GNA14: variants seen among roughly 807,000 people sequenced by gnomAD.
GNA14 encodes G protein subunit alpha 14, also known as guanine nucleotide-binding protein subunit alpha-14.
A neutral mutation model predicts 42.0 loss-of-function variants in GNA14; 50 were observed. The ratio of observed to expected loss-of-function variants is 1.19; its 90% CI spans 0.95 to 1.51. The LOEUF is 1.51. Ranked by LOEUF, GNA14 falls within the 40% of genes most tolerant of loss-of-function variation. GNA14 has a pLI of 0.00. For synonymous variants in GNA14, 173 were observed against 163.1 expected, an observed-to-expected ratio of 1.06 and a Z score of -0.46; for missense variants, 473 against 446.2, an observed-to-expected ratio of 1.06 and a Z score of -0.54.
chr9:77,453,899 ATTT>A (rs1273433124), intron 2 of GNA14, among the ~76,000 whole-genome samples: 1 of 152,188 alleles, frequency 6.6e-6, no homozygotes, highest in Admixed American at 6.5e-5. Flanking sequence ...CTGGGGATCC[ATTT>A]TCTCACAGGA....
At chr9:77,582,669 T>A (rs977432858) in intron 1 of GNA14, among the ~76,000 whole-genome samples, 3 of 152,198 alleles carry the variant, frequency 2.0e-5, no homozygotes, top group Admixed American at 1.3e-4. Flanking sequence ...CAAGATTTAA[T>A]CATTTGTTCC....
At chr9:77,642,503 T>A (rs1175231845) in intron 1 of GNA14, among the ~76,000 whole-genome samples, 1 of 152,170 alleles carries the variant, frequency 6.6e-6, no homozygotes, top group African/African-American at 2.4e-5. Flanking sequence ...CGGTGGCTCA[T>A]GCATGTAATC....
intron 1 of GNA14, among the ~76,000 whole-genome samples, chr9:77,568,927 T>C (rs1422311926): frequency 2.0e-5 from 3 of 152,216 alleles, no homozygotes; most frequent in South Asian, 4.1e-4. Context: ...GGAAAGAGAC[T>C]GTCATGCCAC....
At chr9:77,600,382 A>T (rs1266605906) in intron 1 of GNA14, among the ~76,000 whole-genome samples, 1 of 152,184 alleles carries the variant, frequency 6.6e-6, no homozygotes, top group Non-Finnish European at 1.5e-5. Context: ...TTTTCTTGTG[A>T]AACTGTGAGA....
At chr9:77,557,001 A>G (rs1822793888) in intron 1 of GNA14, among the ~76,000 whole-genome samples, 1 of 152,224 alleles carries the variant, frequency 6.6e-6, no homozygotes. Context: ...CACCCCACAC[A>G]GCATGGGTTA....
At chr9:77,451,135 G>C (rs547165585) in intron 2 of GNA14, among the ~76,000 whole-genome samples, 2 of 152,096 alleles carry the variant, frequency 1.3e-5, no homozygotes, top group Non-Finnish European at 1.5e-5. Context: ...ACATACGTGT[G>C]TCAGACTAGC....
chr9:77,609,574 C>T (rs975594280), intron 1 of GNA14, among the ~76,000 whole-genome samples: 1 of 152,160 alleles, frequency 6.6e-6, no homozygotes, highest in African/African-American at 2.4e-5. Context: ...ATACTCCTAA[C>T]AAAATACCAG....
At chr9:77,626,222 A>G (rs1824010410) in intron 1 of GNA14, among the ~76,000 whole-genome samples, 1 of 152,226 alleles carries the variant, frequency 6.6e-6, no homozygotes, top group Admixed American at 6.5e-5. Context: ...CCAATAGAGG[A>G]GCACCCAGAT....
chr9:77,601,389 C>T (rs1823562239), intron 1 of GNA14, among the ~76,000 whole-genome samples: 3 of 152,208 alleles, frequency 2.0e-5, no homozygotes, highest in African/African-American at 7.2e-5. Flanking sequence ...CAGACACTAA[C>T]ATCAGCGTTC....
At chr9:77,618,594 A>ATATATATGTATG (rs1554703800) in intron 1 of GNA14, among the ~76,000 whole-genome samples, 5 of 12,336 alleles carry the variant, frequency 4.1e-4, no homozygotes, top group African/African-American at 1.2e-3. Flanking sequence ...ATATATATAT[A>ATATATATGTATG]TATATATATA....
At chr9:77,539,287 T>C (rs2131775209) in intron 1 of GNA14, among the ~76,000 whole-genome samples, 1 of 152,382 alleles carries the variant, frequency 6.6e-6, no homozygotes, top group Non-Finnish European at 1.5e-5. Context: ...TTCTTCATTC[T>C]ATTGATGTGA....
At chr9:77,455,062 G>A (rs1358237477) in intron 2 of GNA14, among the ~76,000 whole-genome samples, 1 of 152,144 alleles carries the variant, frequency 6.6e-6, no homozygotes, top group East Asian at 1.9e-4. Context: ...GGTATAACTG[G>A]GTTCTCTGTG....
chr9:77,454,600 A>T (rs1204202271), intron 2 of GNA14, among the ~76,000 whole-genome samples: 9 of 130,760 alleles, frequency 6.9e-5, no homozygotes, highest in Non-Finnish European at 9.7e-5. Flanking sequence ...TTTTTTTTGG[A>T]AGTGAGACCC....
rs371558607 is a variant in GNA14 at position 77,647,589 on chromosome 9, C to T, written c.124+81G>A. The T allele has an allele frequency of 1.2e-3, 1,731 of 1,486,138 alleles. 10 individuals carry two copies. Among genetic ancestry groups the T allele is most frequent in the Middle Eastern group, 6.3e-3 (31 of 4,918 alleles). 92.1% of individuals were successfully genotyped at this position (1,486,138 alleles called of 1,614,324 possible). On this transcript the variant is annotated intron_variant, in intron 1 of 6. Coordinates refer to ENST00000341700, the MANE Select transcript of GNA14 (RefSeq NM_004297.4). ...CCTGCACCCCGCTGGGCTCCAGGGC[C>T]GCGCGGGTGCCAGTGGAGAGGCCGG...
chr9:77,549,504 C>T lies in GNA14; in HGVS notation c.125-20251G>A, dbSNP rs62573411. ...GTCACTGAAGGGCCAGCCATTTTCC[C>T]TTATTATTCAGTTGTTTTGAAATGT... On this transcript the variant is annotated intron_variant, in intron 1 of 6. Coordinates refer to ENST00000341700, the MANE Select transcript of GNA14 (RefSeq NM_004297.4). 8.2e-3 allele frequency among the ~76,000 whole-genome samples: 1,247 copies of T among 152,278 alleles called. 11 individuals are homozygous for T. The highest frequency in any genetic ancestry group is 0.024 in the Middle Eastern group (7 of 294).
intron 1 of GNA14, among the ~76,000 whole-genome samples, chr9:77,565,997 G>A (rs950550986): frequency 1.2e-4 from 19 of 152,112 alleles, no homozygotes; most frequent in African/African-American, 4.1e-4. Flanking sequence ...GGCACTGAGT[G>A]GAGGCCAGGG....
intron 2 of GNA14, among the ~76,000 whole-genome samples, chr9:77,477,806 T>C (rs193104046): frequency 3.9e-5 from 6 of 151,942 alleles, no homozygotes; most frequent in Admixed American, 3.3e-4. Flanking sequence ...CAGAGTCCCA[T>C]AAAAAAGGAA....
At chr9:77,592,455 T>C (rs1047613415) in intron 1 of GNA14, among the ~76,000 whole-genome samples, 4 of 152,208 alleles carry the variant, frequency 2.6e-5, no homozygotes, top group Admixed American at 1.3e-4. Flanking sequence ...ATTCTCATAG[T>C]ATAAAAGATC....
rs1177834760 is a variant in GNA14, at chr9:77,498,385, AAAAG to A, written c.309+30680_309+30683del. ...CAAAAGTCTGTCTCAAAAAAAAAAAAAAAGAAAAAAAAGAAAAAGAAAACAAGCT... is the reference window on the plus strand; with the variant it reads ...CAAAAGTCTGTCTCAAAAAAAAAAAAAAAAAAAAGAAAAAGAAAACAAGCT... On this transcript the variant is annotated intron_variant, in intron 2 of 6. Transcript: ENST00000341700. 4.5e-4 allele frequency among the ~76,000 whole-genome samples: 42 copies of A among 93,964 alleles called. 3 individuals are homozygous for A. The highest frequency in any genetic ancestry group is 1.8e-3 in the Admixed American group (18 of 10,134). The allele number at this position is 93,964 out of a possible 152,430, so 61.6% of individuals were successfully genotyped here.
Sources: allele counts gnomAD v4.1 joint callset (sites outside exome capture counted in the v4.1 genomes callset), GRCh38; gene constraint gnomAD v4.1.1; transcripts MANE v1.5; gene names NCBI Gene and HGNC (gene_info 2026-07-23, HGNC 2026-07-21).